The following TOMM70 variants were observed in gnomAD, a reference collection of about 807,000 sequenced individuals.
TOMM70 encodes mitochondrial import receptor subunit TOM70.
A neutral mutation model predicts 73.6 loss-of-function variants in TOMM70; 13 were observed. The ratio of observed to expected loss-of-function variants is 0.18; its 90% CI spans 0.11 to 0.28. The LOEUF (loss-of-function observed/expected upper bound fraction) is 0.28. Ranked by LOEUF, TOMM70 falls within the 10% of genes least tolerant of loss-of-function variation. TOMM70 has a pLI of 1.00. For synonymous variants in TOMM70, 257 were observed against 271.2 expected (o/e 0.95, Z 0.51); for missense variants, 609 against 747.5 (o/e 0.81, Z 2.16).
Position 100,369,628 on chromosome 3 carries a change from G to A in TOMM70, c.1453-493C>T, listed in dbSNP as rs190396921. 3.6e-4 allele frequency among the ~76,000 whole-genome samples: 54 copies of A among 151,990 alleles called. 1 individual carries two copies. The highest frequency in any genetic ancestry group is 8.5e-4 in the Admixed American group (13 of 15,242). On this transcript the variant is annotated intron_variant, in intron 9 of 11. Coordinates refer to ENST00000284320, the MANE Select transcript of TOMM70 (RefSeq NM_014820.5). ...TGATCCCCCTGCCTCAGCCTCCTGA[G>A]TAGCTGGGACTACAGGCGCCCAACA... is the stretch of plus-strand genomic sequence containing the variant.
intron 7 of TOMM70, 150 bp downstream of exon 7, chr3:100,374,868 G>T (rs1245542203): frequency 3.3e-5 from 28 of 855,318 alleles, no homozygotes; most frequent in Non-Finnish European, 4.5e-5. Context: ...CTAAACAAAG[G>T]CCAATTCAAA....
intron 9 of TOMM70, among the ~76,000 whole-genome samples, chr3:100,371,060 T>G (rs956716640): frequency 1.3e-5 from 2 of 152,198 alleles, no homozygotes; most frequent in Non-Finnish European, 2.9e-5. Context: ...ATGTACACTT[T>G]AATGTAGTTA....
In TOMM70 at chr3:100,391,848, A is replaced by G. The variant is rs142539515; in HGVS notation, c.325-4870T>C. On this transcript the variant is annotated intron_variant, in intron 1 of 11. Transcript: ENST00000284320. ...TGTAGCCTAAGGGGTATAGTGTTTA[A>G]ACAGTATACTACAGTAGCATTCAGT... is the stretch of plus-strand genomic sequence containing the variant. Among the ~76,000 whole-genome samples the G allele has an allele frequency of 4.0e-3, 612 of 152,344 alleles. 3 individuals are homozygous for G. Among genetic ancestry groups the G allele is most frequent in the South Asian group, 7.9e-3 (38 of 4,824 alleles).
intron 11 of TOMM70, among the ~76,000 whole-genome samples, chr3:100,366,299 C>G (rs1156659327): frequency 6.6e-6 from 1 of 152,174 alleles, no homozygotes; most frequent in Non-Finnish European, 1.5e-5. Context: ...GATTTATTGC[C>G]TCTGCCTGAT....
intron 1 of TOMM70, among the ~76,000 whole-genome samples, chr3:100,397,629 G>A (rs1212875162): frequency 6.6e-6 from 1 of 152,240 alleles, no homozygotes; most frequent in African/African-American, 2.4e-5. Flanking sequence ...AGTGGCTCAT[G>A]CCTGTAATCC....
chr3:100,391,035 GGA>G (rs1170098169), intron 1 of TOMM70, among the ~76,000 whole-genome samples: 1 of 152,044 alleles, frequency 6.6e-6, no homozygotes, highest in Non-Finnish European at 1.5e-5. Flanking sequence ...CAGCTACTCA[GGA>G]GGCTGAGGCA....
intron 1 of TOMM70, among the ~76,000 whole-genome samples, chr3:100,395,080 A>C (rs1576219189): frequency 6.6e-6 from 1 of 152,196 alleles, no homozygotes; most frequent in Non-Finnish European, 1.5e-5. Flanking sequence ...ATGAGGTTTA[A>C]GATTTACGGC....
chr3:100,392,188 T>G (rs1706770674), intron 1 of TOMM70, among the ~76,000 whole-genome samples: 1 of 152,206 alleles, frequency 6.6e-6, no homozygotes, highest in African/African-American at 2.4e-5. Context: ...AATGATGCAC[T>G]TATTGGAACG....
rs531114206 is a variant in TOMM70, at chr3:100,377,972, T to C, written c.885-60A>G. On this transcript the variant is annotated intron_variant, in intron 5 of 11. Transcript: ENST00000284320. Reference sequence around the variant, plus strand: ...TAAGAAAAAATTAAATGTGGCTGGGTGTGGTGGCTCACGCCTGTAATCCCA... The same window carrying C: ...TAAGAAAAAATTAAATGTGGCTGGGCGTGGTGGCTCACGCCTGTAATCCCA... The C allele has an allele frequency of 2.7e-3, 3,995 of 1,484,484 alleles. 18 individuals are homozygous for C. Among genetic ancestry groups the C allele is most frequent in the East Asian group, 3.7e-3 (159 of 43,490 alleles). The allele number at this position is 1,484,484 out of a possible 1,614,324, so 92.0% of individuals were successfully genotyped here.
chr3:100,383,626 G>A (rs1706660709), intron 4 of TOMM70, among the ~76,000 whole-genome samples: 1 of 151,770 alleles, frequency 6.6e-6, no homozygotes, highest in Admixed American at 6.6e-5. Flanking sequence ...TTAAAGTCCA[G>A]CAGTGAAGAA....
In TOMM70 at chr3:100,372,722, A is replaced by G; in HGVS notation, c.1336T>C (p.Tyr446His). ...LAQAQKCFAL[Y>H]RQAYTGNNSS... is the part of the protein sequence containing the mutation. Reference sequence around the variant, plus strand: ...TTGTTTCCCGTATATGCCTGGCGGTACTATAAAAAATCAAAACAGGCCTGT... The same window carrying G: ...TTGTTTCCCGTATATGCCTGGCGGTGCTATAAAAAATCAAAACAGGCCTGT... The change falls in exon 9 of 12, where the codon TAC becomes CAC. Residue 446 changes from tyrosine to histidine, a missense_variant and splice_region_variant. Coordinates refer to ENST00000284320, the MANE Select transcript of TOMM70 (RefSeq NM_014820.5). 6.2e-7 allele frequency: 1 copy of G among 1,612,146 alleles called. No individual in the cohort carries two copies. Among genetic ancestry groups the G allele is most frequent in the Non-Finnish European group, 8.5e-7 (1 of 1,179,212 alleles).
intron 1 of TOMM70, 40 bp downstream of exon 1, chr3:100,400,586 G>C: frequency 6.3e-7 from 1 of 1,591,036 alleles, no homozygotes; most frequent in Non-Finnish European, 8.6e-7. Flanking sequence ...AAAGCTGCAC[G>C]AGCCAGTTTC....
chr3:100,372,534 G>A (rs1453060218), intron 9 of TOMM70, 72 bp downstream of exon 9: 1 of 1,247,266 alleles, frequency 8.0e-7, no homozygotes, highest in Non-Finnish European at 1.1e-6. Context: ...TGATAGCACT[G>A]TTTTCTGATT....
At chr3:100,389,576 G>T (rs1706735774) in intron 1 of TOMM70, among the ~76,000 whole-genome samples, 1 of 152,058 alleles carries the variant, frequency 6.6e-6, no homozygotes. Context: ...TTTAAAAAAG[G>T]AATGTAAAAA....
chr3:100,400,909 G>T lies in TOMM70; in HGVS notation c.41C>A (p.Ala14Asp). The T allele has an allele frequency of 6.5e-7, 1 of 1,529,544 alleles. No homozygotes were observed. Among genetic ancestry groups the T allele is most frequent in the East Asian group, 2.5e-5 (1 of 39,848 alleles). 94.7% of individuals were successfully genotyped at this position (1,529,544 alleles called of 1,614,324 possible). ...CCCACTCCCGGAGCTCGGTACAGCG[G>T]CTGCGACCACCGCTGCCTCCACAGG... ...SKPVEAAVVA[A>D]AVPSSGSGVG... Residue 14 changes from alanine to aspartate, a missense_variant, in exon 1 of 12, where the codon GCC (alanine) becomes GAC (aspartate). Physicochemically the swap from Ala to Asp is moderately radical, Grantham distance 126 (BLOSUM62 -2). Around this residue, in one of 2 missense-constraint regions of TOMM70, gnomAD observed 177 missense variants for 163.5 expected, o/e 1.08. Coordinates refer to ENST00000284320, the MANE Select transcript of TOMM70 (RefSeq NM_014820.5).
chr3:100,366,658 A>G (rs1454269580), intron 11 of TOMM70, among the ~76,000 whole-genome samples: 2 of 152,258 alleles, frequency 1.3e-5, no homozygotes, highest in Non-Finnish European at 2.9e-5. Context: ...ATAATCTGCA[A>G]TTTCATTTAT....
At chr3:100,387,593 G>GACAC (rs772727603) in intron 1 of TOMM70, among the ~76,000 whole-genome samples, 2,602 of 98,426 alleles carry the variant, frequency 0.026, 38 homozygotes, top group South Asian at 0.044. Flanking sequence ...CACAGACACA[G>GACAC]ACACAGACAC....
chr3:100,380,231 G>A (rs1706616876), intron 5 of TOMM70, among the ~76,000 whole-genome samples: 1 of 152,076 alleles, frequency 6.6e-6, no homozygotes, highest in Non-Finnish European at 1.5e-5. Flanking sequence ...TGTAATCCCA[G>A]CTACTAGGGA....
chr3:100,377,986 C>A, intron 5 of TOMM70, 74 bp from the exon 6 acceptor site: 1 of 1,345,660 alleles, frequency 7.4e-7, no homozygotes, highest in Admixed American at 1.9e-5. Context: ...GTGGCTCACG[C>A]CTGTAATCCC....
Sources: gnomAD v4.1 joint callset for allele counts (sites outside exome capture counted in the v4.1 genomes callset) on GRCh38, gnomAD v4.1.1 for gene constraint, gnomAD v4.1.1 regional missense constraint, MANE v1.5 for transcripts, NCBI Gene and HGNC (gene_info 2026-07-23, HGNC 2026-07-21) for gene names.